STAT1: variants seen among roughly 807,000 people sequenced by gnomAD.
STAT1 encodes the protein signal transducer and activator of transcription 1, also known as signal transducer and activator of transcription 1-alpha/beta.
A neutral mutation model predicts 111.7 loss-of-function variants in STAT1; 24 were observed. The ratio of observed to expected loss-of-function variants is 0.21; its 90% confidence interval spans 0.16 to 0.30. The LOEUF (loss-of-function observed/expected upper bound fraction) is 0.30, where lower values mean the gene tolerates loss of function less well. Among genes scored for constraint, STAT1 ranks in the 10% least tolerant of loss-of-function variants. STAT1 has a pLI of 1.00. For missense variants in STAT1, 351 were observed against 911.9 expected (o/e 0.38, Z 7.92); for synonymous variants, 332 against 326.5 (o/e 1.02, Z -0.18).
chr2:191,001,065 AAT>A lies in STAT1; in HGVS notation c.462+7_462+8del, dbSNP rs1463143414. 6.2e-7 allele frequency: 1 copy of A among 1,605,334 alleles called. No individual in the cohort carries two copies. Among genetic ancestry groups the A allele is most frequent in the South Asian group, 1.1e-5 (1 of 90,878 alleles). ...TCAGAATAAATGCATGTGTTTACTC[AAT>A]ACTCACCATAACCTTGTCCTTCACA... On this transcript the variant is annotated splice_region_variant and intron_variant, in intron 6 of 24. Coordinates refer to ENST00000361099, the MANE Select transcript of STAT1 (RefSeq NM_007315.4).
At chr2:190,992,440 T>C (rs1693440991) in intron 10 of STAT1, among the ~76,000 whole-genome samples, 1 of 152,122 alleles carries the variant, frequency 6.6e-6, no homozygotes, top group South Asian at 2.1e-4. Context: ...AAGACAGTTC[T>C]GAAAATGAAG....
In STAT1 at chr2:190,986,825, C is replaced by T. The variant is rs1293464697; in HGVS notation, c.1221+29G>A. Reference sequence around the variant, plus strand: ...GTCAAAAGTCCTAAGAAACCAGAGACAACATAGAGAGGAAACTGATGTCCC... The same window carrying T: ...GTCAAAAGTCCTAAGAAACCAGAGATAACATAGAGAGGAAACTGATGTCCC... On this transcript the variant is annotated intron_variant, in intron 14 of 24. Transcript: ENST00000361099. This position sits in a 1 kb window ranked among gnomAD's most constrained non-coding sequence, Gnocchi z 5.0. The T allele has an allele frequency of 3.1e-6, 5 of 1,603,564 alleles. No homozygotes were observed. In the East Asian group the frequency reaches 6.7e-5, roughly 21 times the overall value.
rs1231501030 is a variant in STAT1 at position 190,978,681 on chromosome 2, C to A, written c.1873+175G>T. On this transcript the variant is annotated intron_variant, in intron 21 of 24. Coordinates refer to ENST00000361099, the MANE Select transcript of STAT1 (RefSeq NM_007315.4). The surrounding 1 kb of genome is among the most constrained non-coding windows in gnomAD (Gnocchi z 6.1). ...ACAATATGTTCCAGAGAGTGAACCA[C>A]AACCACAAACATTTGTGGTGGTTTA... is the stretch of plus-strand genomic sequence containing the variant. 1.2e-6 allele frequency: 1 copy of A among 807,322 alleles called. No homozygotes were observed. Among genetic ancestry groups the A allele is most frequent in the East Asian group, 2.7e-5 (1 of 36,996 alleles). 50.0% of individuals were successfully genotyped at this position (807,322 alleles called of 1,614,324 possible).
At position 191,003,510 on chromosome 2, in the gene STAT1, C is replaced by A. The variant is rs542253366; in HGVS notation, c.373-2347G>T. 2.5e-4 allele frequency among the ~76,000 whole-genome samples: 38 copies of A among 152,294 alleles called. 1 individual carries two copies. The South Asian group carries it at 7.3e-3, about 29-fold the overall frequency. On this transcript the variant is annotated intron_variant, in intron 5 of 24. Coordinates refer to ENST00000361099, the MANE Select transcript of STAT1 (RefSeq NM_007315.4). This position sits in a 1 kb window ranked among gnomAD's most constrained non-coding sequence, Gnocchi z 4.0. Reference sequence around the variant, plus strand: ...TTTCTCATGAATAGTTTAGCACCATCCTCTTGGTACTATCCTTGTGATCAC... The same window carrying A: ...TTTCTCATGAATAGTTTAGCACCATACTCTTGGTACTATCCTTGTGATCAC...
At position 190,997,766 on chromosome 2, in the gene STAT1, G is replaced by A; in HGVS notation, c.785+90C>T. ...AACTCTATACTAATGTTTTGACAGG[G>A]TCCATTCAACTAACACAGCTCAAAG... is the stretch of plus-strand genomic sequence containing the variant. On this transcript the variant is annotated intron_variant, in intron 9 of 24. Transcript: ENST00000361099. This position sits in a 1 kb window ranked among gnomAD's most constrained non-coding sequence, Gnocchi z 7.3. 1.3e-6 allele frequency: 2 copies of A among 1,571,150 alleles called. No homozygotes were observed. The highest frequency in any genetic ancestry group is 1.7e-6 in the Non-Finnish European group (2 of 1,147,924).
Position 190,975,034 on chromosome 2 carries a change from G to A in STAT1, c.2136-102C>T, listed in dbSNP as rs1019128138. The A allele has an allele frequency of 2.9e-5, 28 of 958,320 alleles. No homozygotes were observed. Among genetic ancestry groups the A allele is most frequent in the South Asian group, 1.4e-4 (10 of 72,260 alleles). The allele number at this position is 958,320 out of a possible 1,614,324, so 59.4% of individuals were successfully genotyped here. A position where few individuals can be genotyped will look rare whatever the true frequency, so the allele number is the denominator to read the frequency against. On this transcript the variant is annotated intron_variant, in intron 23 of 24. Transcript: ENST00000361099. The surrounding 1 kb of genome is among the most constrained non-coding windows in gnomAD (Gnocchi z 5.9). ...CTTTTGTCTGTAATTGAATTATCAC[G>A]TTATATTTTTATTTTGGGTAAGTGC...
chr2:190,976,348 C>G lies in STAT1; in HGVS notation c.2060-461G>C, dbSNP rs1040548422. Among the ~76,000 whole-genome samples the G allele has an allele frequency of 2.6e-5, 4 of 152,200 alleles. No homozygotes were observed. The highest frequency in any genetic ancestry group is 9.7e-5 in the African/African-American group (4 of 41,450). On this transcript the variant is annotated intron_variant, in intron 22 of 24. Coordinates refer to ENST00000361099, the MANE Select transcript of STAT1 (RefSeq NM_007315.4). The surrounding 1 kb of genome is among the most constrained non-coding windows in gnomAD (Gnocchi z 6.0). ...TGTTCCAAACAAAACAGGTCTAATT[C>G]GAACCTTCTCAAATGCAATTCATTG...
Position 190,983,708 on chromosome 2 carries a change from G to A in STAT1, c.1380C>T (p.Asn460=), listed in dbSNP as rs150942324. 18 of 1,614,048 alleles carry A rather than the reference G, an allele frequency of 1.1e-5. No individual in the cohort carries two copies. The highest frequency in any genetic ancestry group is 1.7e-5 in the Admixed American group (1 of 60,010). ...CCCAACCGCTCGGGAGCTGGCTGAC[G>A]TTGGAGATCACCACAACGGGCAGAG... ...TTSLPVVVIS[N]VSQLPSGWAS... is the part of the protein sequence containing the mutation. The change falls in exon 17 of 25, where the codon AAC becomes AAT. Residue 460 remains asparagine, a synonymous_variant. Coordinates refer to ENST00000361099, the MANE Select transcript of STAT1 (RefSeq NM_007315.4). This position sits in a 1 kb window ranked among gnomAD's most constrained non-coding sequence, Gnocchi z 5.7.
At position 190,978,857 on chromosome 2, in the gene STAT1, G is replaced by A. The variant is rs2230101; in HGVS notation, c.1872C>T (p.Gly624=). 1,780 of 1,613,874 alleles carry A rather than the reference G, an allele frequency of 1.1e-3. 4 individuals carry two copies. Among genetic ancestry groups the A allele is most frequent in the South Asian group, 2.4e-3 (215 of 91,002 alleles). The part of the protein sequence containing the change: ...FTWVERSQNG[G]EPDFHAVEPY... ...CTATGTGCTCAAACTCCCACTCACC[G>A]CCTCCGTTCTGGGACCGCTCCACCC... The change falls in exon 21 of 25, where the codon GGC becomes GGT. Residue 624 remains glycine, a splice_region_variant and synonymous_variant. Transcript: ENST00000361099. This position sits in a 1 kb window ranked among gnomAD's most constrained non-coding sequence, Gnocchi z 6.1.
chr2:191,009,892 A>G lies in STAT1; in HGVS notation c.112T>C (p.Leu38=), dbSNP rs1173433972. ...TTTCCTTACCAGTCTTGCTTTTCTA[A>G]CCACTGTGCCAGGTACTGTCTGATT... ...MEIRQYLAQW[L]EKQDWEHAAN... The change falls in exon 3 of 25, where the codon TTA becomes CTA. Residue 38 remains leucine (L), a synonymous_variant. Coordinates refer to ENST00000361099, the MANE Select transcript of STAT1 (RefSeq NM_007315.4). The G allele has an allele frequency of 3.1e-6, 5 of 1,613,962 alleles. No individual in the cohort carries two copies. In the South Asian group the frequency reaches 5.5e-5, roughly 18 times the overall value.
At chr2:191,008,743 C>T (rs1399026278) in intron 4 of STAT1, among the ~76,000 whole-genome samples, 3 of 152,120 alleles carry the variant, frequency 2.0e-5, no homozygotes, top group Admixed American at 6.5e-5. Flanking sequence ...AGAGGTGATA[C>T]ATTTAACCCT....
rs367714136 is a variant in STAT1, at chr2:190,980,150, C to T, written c.1633-284G>A. ...AGCCTGGGGGTGACCTCCAGCGTGA[C>T]TCACGGAAACACAAGCTGCCCCACA... On this transcript the variant is annotated intron_variant, in intron 19 of 24. Coordinates refer to ENST00000361099, the MANE Select transcript of STAT1 (RefSeq NM_007315.4). The surrounding 1 kb of genome is among the most constrained non-coding windows in gnomAD (Gnocchi z 6.1). 1.3e-5 allele frequency among the ~76,000 whole-genome samples: 2 copies of T among 152,368 alleles called. No homozygotes were observed. Among genetic ancestry groups the T allele is most frequent in the East Asian group, 3.9e-4 (2 of 5,190 alleles).
In STAT1 at chr2:191,006,969, C is replaced by T. The variant is rs1041587077; in HGVS notation, c.372+594G>A. 1.3e-5 allele frequency among the ~76,000 whole-genome samples: 2 copies of T among 152,166 alleles called. No individual in the cohort carries two copies. Among genetic ancestry groups the T allele is most frequent in the Admixed American group, 1.3e-4 (2 of 15,278 alleles). On this transcript the variant is annotated intron_variant, in intron 5 of 24. Coordinates refer to ENST00000361099, the MANE Select transcript of STAT1 (RefSeq NM_007315.4). The surrounding 1 kb of genome is among the most constrained non-coding windows in gnomAD (Gnocchi z 4.6). ...AACTCCTGCCCCTGCCCCCTCCTTG[C>T]CTTCCCAGCTCCGTGTACAGCATTA...
In STAT1 at chr2:190,978,721, G is replaced by A. The variant is rs1692103816; in HGVS notation, c.1873+135C>T. ...GTGGTGGTTTATTAAATCCTATCGG[G>A]GGCTCATTTGGGGTAAGTATAAGAT... On this transcript the variant is annotated intron_variant, in intron 21 of 24. Coordinates refer to ENST00000361099, the MANE Select transcript of STAT1 (RefSeq NM_007315.4). The surrounding 1 kb of genome is among the most constrained non-coding windows in gnomAD (Gnocchi z 6.1). 2 of 1,092,322 alleles carry A rather than the reference G, an allele frequency of 1.8e-6. No homozygotes were observed. Among genetic ancestry groups the A allele is most frequent in the East Asian group, 2.6e-5 (1 of 38,426 alleles). 67.7% of individuals were successfully genotyped at this position (1,092,322 alleles called of 1,614,324 possible). A position where few individuals can be genotyped will look rare whatever the true frequency, so the allele number is the denominator to read the frequency against.
chr2:190,970,512 A>C lies in STAT1; in HGVS notation c.*191T>G. 1.5e-6 allele frequency: 1 copy of C among 680,920 alleles called. No homozygotes were observed. Among genetic ancestry groups the C allele is most frequent in the Non-Finnish European group, 2.6e-6 (1 of 377,452 alleles). 42.2% of individuals were successfully genotyped at this position (680,920 alleles called of 1,614,324 possible). ...TTCAATTTTACCTTCAGTAAGATGC[A>C]TGATGCCCTTCAGAGTAACTGATGT... On this transcript the variant is annotated 3_prime_UTR_variant, in exon 25 of 25. Transcript: ENST00000361099. This position sits in a 1 kb window ranked among gnomAD's most constrained non-coding sequence, Gnocchi z 5.4.
Position 191,007,199 on chromosome 2 carries a change from C to T in STAT1, c.372+364G>A, listed in dbSNP as rs1178735366. ...CCTCTACCTTGGACAGCTGCAAGAA[C>T]CCTCTATCTGCCTGCTTCCATTCCT... On this transcript the variant is annotated intron_variant, in intron 5 of 24. Transcript: ENST00000361099. The surrounding 1 kb of genome is among the most constrained non-coding windows in gnomAD (Gnocchi z 4.2). 1.3e-5 allele frequency among the ~76,000 whole-genome samples: 2 copies of T among 152,218 alleles called. No individual in the cohort carries two copies. Among genetic ancestry groups the T allele is most frequent in the Admixed American group, 1.3e-4 (2 of 15,274 alleles).
intron 10 of STAT1, 128 bp downstream of exon 10, chr2:190,994,925 AAAATATAT>A (rs1228739729): frequency 2.0e-5 from 2 of 99,558 alleles, no homozygotes; most frequent in Admixed American, 1.5e-4. Flanking sequence ...AAAAAAAAAA[AAAATATAT>A]ATATATATAT....
chr2:190,997,105 C>A lies in STAT1; in HGVS notation c.785+751G>T, dbSNP rs1017724308. Among the ~76,000 whole-genome samples the A allele has an allele frequency of 6.6e-6, 1 of 152,206 alleles. No individual in the cohort carries two copies. The highest frequency in any genetic ancestry group is 1.5e-5 in the Non-Finnish European group (1 of 68,034). On this transcript the variant is annotated intron_variant, in intron 9 of 24. Coordinates refer to ENST00000361099, the MANE Select transcript of STAT1 (RefSeq NM_007315.4). This position sits in a 1 kb window ranked among gnomAD's most constrained non-coding sequence, Gnocchi z 7.3. The stretch of plus-strand genomic sequence containing the variant: ...CTTTCCTTCCCATCTCCCTGGACAC[C>A]CCACTCTCCAGCCACCCAATACAGC...
At chr2:190,992,525 A>G (rs1574654635) in intron 10 of STAT1, 2 of 307,878 alleles carry the variant, frequency 6.5e-6, no homozygotes, top group Non-Finnish European at 1.2e-5. Context: ...CTCTGTGGAT[A>G]TGGTAAGAAT....
Sources: gnomAD v4.1 joint callset for allele counts (sites outside exome capture counted in the v4.1 genomes callset) on GRCh38, gnomAD v4.1.1 for gene constraint, Gnocchi (gnomAD v3.1) non-coding constraint, MANE v1.5 for transcripts, NCBI Gene and HGNC (gene_info 2026-07-23, HGNC 2026-07-21) for gene names.